The following PGM1 variants were observed in gnomAD, a reference collection of about 807,000 sequenced individuals.
PGM1 encodes the protein phosphoglucomutase-1.
PGM1 carries 52 observed loss-of-function variants against 55.6 expected under a neutral mutation model. The observed-to-expected ratio is 0.94, with a 90% CI of 0.75 to 1.18. PGM1 has a LOEUF of 1.18. Among genes scored for constraint, PGM1 ranks in the 50% most tolerant of loss-of-function variants. PGM1 has a pLI of 0.00. For missense variants in PGM1, 724 were observed against 729.3 expected, an observed-to-expected ratio of 0.99 and a Z score of 0.08; for synonymous variants, 287 against 271.7, an observed-to-expected ratio of 1.06 and a Z score of -0.55.
intron 1 of PGM1, among the ~76,000 whole-genome samples, chr1:63,621,458 G>A (rs1161054411): frequency 4.6e-5 from 7 of 152,138 alleles, no homozygotes; most frequent in Non-Finnish European, 1.0e-4. Flanking sequence ...TTATTGGAAT[G>A]ATATTTTATA....
At chr1:63,636,901 G>C (rs1404122381) in intron 6 of PGM1, among the ~76,000 whole-genome samples, 1 of 152,170 alleles carries the variant, frequency 6.6e-6, no homozygotes, top group Non-Finnish European at 1.5e-5. Context: ...AGTAATTTTA[G>C]AGTTTCAACG....
intron 10 of PGM1, among the ~76,000 whole-genome samples, chr1:63,654,868 A>G (rs1331386965): frequency 6.6e-6 from 1 of 152,132 alleles, no homozygotes; most frequent in Non-Finnish European, 1.5e-5. Flanking sequence ...CAAATAACTT[A>G]GACTGTTATT....
chr1:63,636,008 G>A (rs912961530), intron 5 of PGM1, among the ~76,000 whole-genome samples: 1 of 152,230 alleles, frequency 6.6e-6, no homozygotes, highest in Admixed American at 6.5e-5. Context: ...GGTTGTGCTT[G>A]GACTTTAATT....
chr1:63,624,510 G>A (rs1029439936), intron 1 of PGM1, among the ~76,000 whole-genome samples: 6 of 152,182 alleles, frequency 3.9e-5, no homozygotes, highest in Non-Finnish European at 8.8e-5. Flanking sequence ...CTAACAATTC[G>A]TGCAGCCCAC....
intron 7 of PGM1, among the ~76,000 whole-genome samples, chr1:63,645,407 A>G (rs796904302): frequency 2.6e-5 from 4 of 152,222 alleles, no homozygotes; most frequent in African/African-American, 9.6e-5. Flanking sequence ...GAGAAAAAGA[A>G]GGAAGAAAAA....
chr1:63,623,295 A>T, intron 1 of PGM1: 1 of 1,450,848 alleles, frequency 6.9e-7, no homozygotes, highest in Non-Finnish European at 9.0e-7. Context: ...GGACAACAAC[A>T]ACAAGGAATT....
intron 1 of PGM1, among the ~76,000 whole-genome samples, chr1:63,604,959 G>GTGTGTGTGTGTGTGTT (rs58900430): frequency 0.024 from 3,213 of 134,212 alleles, 69 homozygotes; most frequent in Non-Finnish European, 0.03. Flanking sequence ...GTGTGTGTGT[G>GTGTGTGTGTGTGTGTT]TAAAGAGAGG....
At chr1:63,615,367 A>AT (rs545643778) in intron 1 of PGM1, among the ~76,000 whole-genome samples, 141 of 152,154 alleles carry the variant, frequency 9.3e-4, no homozygotes, top group Non-Finnish European at 1.9e-3. Context: ...CACTCTCTGC[A>AT]TTTTATGGAA....
intron 2 of PGM1, 149 bp downstream of exon 2, chr1:63,629,736 C>CT: frequency 1.1e-6 from 1 of 932,592 alleles, no homozygotes; most frequent in Non-Finnish European, 1.7e-6. Flanking sequence ...CAGTGAAATG[C>CT]TTCTCATTTG....
intron 7 of PGM1, among the ~76,000 whole-genome samples, chr1:63,643,955 C>T (rs1469095371): frequency 1.3e-5 from 2 of 152,208 alleles, no homozygotes; most frequent in African/African-American, 4.8e-5. Context: ...AAGAAAGAGA[C>T]AGACAGACAC....
chr1:63,611,889 C>T (rs533819257), intron 1 of PGM1, among the ~76,000 whole-genome samples: 5 of 150,738 alleles, frequency 3.3e-5, no homozygotes, highest in East Asian at 2.0e-4. Context: ...GGCAACAGAG[C>T]GAGACTCCTT....
At position 63,638,841 on chromosome 1, in the gene PGM1, C is replaced by T. The variant is rs1195997564; in HGVS notation, c.1144+41C>T. 4.5e-6 allele frequency: 6 copies of T among 1,345,744 alleles called. No homozygotes were observed. In the African/African-American group the frequency reaches 7.1e-5, roughly 16 times the overall value. 83.4% of individuals were successfully genotyped at this position (1,345,744 alleles called of 1,614,324 possible). A position where few individuals can be genotyped will look rare whatever the true frequency, so the allele number is the denominator to read the frequency against. ...GTGCTAGCATTTTCCTCCCTGTAACCACTATTTCCAGTAAAAGCTTAGACT... is the reference window on the plus strand; with the variant it reads ...GTGCTAGCATTTTCCTCCCTGTAACTACTATTTCCAGTAAAAGCTTAGACT... On this transcript the variant is annotated intron_variant, in intron 7 of 10. Coordinates refer to ENST00000371084, the MANE Select transcript of PGM1 (RefSeq NM_002633.3).
chr1:63,594,381 CT>C (rs1246590304), intron 1 of PGM1, among the ~76,000 whole-genome samples: 1 of 152,136 alleles, frequency 6.6e-6, no homozygotes, highest in Non-Finnish European at 1.5e-5. Context: ...GCGCGGCCTG[CT>C]TGCTGGGGGG....
chr1:63,656,897 G>C (rs1193683757), intron 10 of PGM1, among the ~76,000 whole-genome samples: 1 of 152,150 alleles, frequency 6.6e-6, no homozygotes, highest in Non-Finnish European at 1.5e-5. Flanking sequence ...AGCAGTTCTA[G>C]AGATGGAATG....
chr1:63,654,498 T>C (rs1335975595), intron 10 of PGM1, 32 bp downstream of exon 10: 2 of 1,611,904 alleles, frequency 1.2e-6, no homozygotes, highest in Non-Finnish European at 1.7e-6. Context: ...TGGTTAGTTC[T>C]TTCTGTTCAA....
intron 1 of PGM1, among the ~76,000 whole-genome samples, chr1:63,603,945 A>C (rs1648312355): frequency 1.3e-5 from 2 of 152,202 alleles, no homozygotes; most frequent in African/African-American, 4.8e-5. Flanking sequence ...CAAGATAAAT[A>C]CTTGTATGAT....
intron 1 of PGM1, among the ~76,000 whole-genome samples, chr1:63,605,406 T>C (rs947491579): frequency 6.6e-6 from 1 of 152,102 alleles, no homozygotes; most frequent in African/African-American, 2.4e-5. Context: ...CTTTGACTTG[T>C]ATTTATTGGA....
rs1336090424 is a variant in PGM1, at chr1:63,635,015, A to G, written c.869A>G (p.Asp290Gly). The G allele has an allele frequency of 6.2e-7, 1 of 1,613,312 alleles. No homozygotes were observed. The highest frequency in any genetic ancestry group is 8.5e-7 in the Non-Finnish European group (1 of 1,179,624). The part of the protein sequence containing the change: ...EHDFGAAFDG[D>G]GDRNMILGKH... ...GATTTTGGGGCTGCCTTTGATGGAG[A>G]TGGGGTGGGTATAAGTGCATTTAAG... The change falls in exon 5 of 11, where the codon GAT (aspartate) becomes GGT (glycine). Residue 290 changes from aspartate to glycine, a missense_variant. This residue lies in a region of PGM1 where 29 missense variants were observed against 58.7 expected (regional missense o/e 0.49). Coordinates refer to ENST00000371084, the MANE Select transcript of PGM1 (RefSeq NM_002633.3).
At chr1:63,616,132 C>T (rs1648707517) in intron 1 of PGM1, among the ~76,000 whole-genome samples, 1 of 152,122 alleles carries the variant, frequency 6.6e-6, no homozygotes, top group Admixed American at 6.6e-5. Context: ...GGGGAAAGTT[C>T]TTCTGTTAGC....
Sources: allele counts gnomAD v4.1 joint callset (sites outside exome capture counted in the v4.1 genomes callset), GRCh38; gene constraint gnomAD v4.1.1; regional missense constraint gnomAD v4.1.1; transcripts MANE v1.5; gene names NCBI Gene and HGNC (gene_info 2026-07-23, HGNC 2026-07-21).